ZNF106: variants seen among roughly 807,000 people sequenced by gnomAD.
The protein encoded by ZNF106 is zinc finger protein 106.
A neutral mutation model predicts 195.1 loss-of-function variants in ZNF106; 67 were observed. The observed-to-expected ratio is 0.34, with a 90% CI of 0.28 to 0.42. The LOEUF is 0.42. Ranked by LOEUF, ZNF106 falls within the 10% of genes least tolerant of loss-of-function variation. ZNF106 has a pLI of 1.00. For synonymous variants in ZNF106, 784 were observed against 818.6 expected (o/e 0.96, Z 0.72); for missense variants, 2,118 against 2,304.5 (o/e 0.92, Z 1.66).
chr15:42,486,270 T>G (rs1349602690), intron 1 of ZNF106, among the ~76,000 whole-genome samples: 1 of 151,846 alleles, frequency 6.6e-6, no homozygotes, highest in Non-Finnish European at 1.5e-5. Flanking sequence ...TCTTTTTTTT[T>G]TCTTCCAGAG....
chr15:42,449,701 C>G, intron 5 of ZNF106, 70 bp downstream of exon 5: 1 of 1,519,440 alleles, frequency 6.6e-7, no homozygotes, highest in Non-Finnish European at 8.8e-7. Flanking sequence ...GTAGAATTCT[C>G]TTGATCAGGG....
intron 14 of ZNF106, among the ~76,000 whole-genome samples, chr15:42,431,148 A>G (rs2055035131): frequency 6.6e-6 from 1 of 151,754 alleles, no homozygotes; most frequent in Admixed American, 6.6e-5. Context: ...TCATCTCCCT[A>G]TATTTGGGGA....
chr15:42,448,757 G>A (rs1182797242), intron 5 of ZNF106, 52 bp from the exon 6 acceptor site: 1 of 1,522,658 alleles, frequency 6.6e-7, no homozygotes. Flanking sequence ...GTTGTTGGGA[G>A]GGGCATTATT....
chr15:42,444,882 G>A lies in ZNF106; in HGVS notation c.3305C>T (p.Ala1102Val), dbSNP rs765123691. 5 of 1,614,162 alleles carry A rather than the reference G, an allele frequency of 3.1e-6. No homozygotes were observed. Among genetic ancestry groups the A allele is most frequent in the Non-Finnish European group, 4.2e-6 (5 of 1,180,026 alleles). The change falls in exon 8 of 22, where the codon GCA becomes GTA. Residue 1102 changes from alanine to valine, a missense_variant. Physicochemically the swap from Ala to Val is moderately conservative, Grantham distance 64. Coordinates refer to ENST00000564754, the MANE Select transcript of ZNF106 (RefSeq NM_001366845.3). ...TTCCACATAAGCTGTCTGAAGGGCT[G>A]CACGGGCTTGCAGAAGATTGTTATC... ...CMDNNLLQARAALQTAYVEVQ... is the reference protein window; with the variant it reads ...CMDNNLLQARVALQTAYVEVQ...
At chr15:42,436,588 T>C (rs1043110745) in intron 13 of ZNF106, among the ~76,000 whole-genome samples, 3 of 152,216 alleles carry the variant, frequency 2.0e-5, no homozygotes, top group African/African-American at 7.2e-5. Context: ...TTCTTAAGCT[T>C]TCATTGTTCA....
chr15:42,437,705 G>C (rs576917304), intron 12 of ZNF106, among the ~76,000 whole-genome samples: 150 of 152,096 alleles, frequency 9.9e-4, no homozygotes, highest in Non-Finnish European at 1.6e-3. Context: ...TCAGGAGTTG[G>C]AGACCAGCCT....
intron 1 of ZNF106, among the ~76,000 whole-genome samples, chr15:42,473,765 T>C (rs916100030): frequency 6.6e-6 from 1 of 152,230 alleles, no homozygotes; most frequent in African/African-American, 2.4e-5. Flanking sequence ...TGTGCTCTTT[T>C]GCAATGTGAT....
intron 4 of ZNF106, 135 bp downstream of exon 4, chr15:42,456,823 T>C: frequency 1.3e-6 from 1 of 790,150 alleles, no homozygotes; most frequent in Non-Finnish European, 2.0e-6. Flanking sequence ...GCCCTTTGAT[T>C]AGTAAGACAA....
At chr15:42,424,771 C>T (rs2054793426) in intron 16 of ZNF106, 63 bp downstream of exon 16, 10 of 1,524,646 alleles carry the variant, frequency 6.6e-6, no homozygotes, top group East Asian at 2.3e-5. Context: ...TGAGCCACCT[C>T]GCCTGGCCTC....
chr15:42,433,486 CTTTTCTTTTTTTTTT>C (rs1026647622), intron 14 of ZNF106, among the ~76,000 whole-genome samples: 4 of 84,216 alleles, frequency 4.7e-5, no homozygotes, highest in African/African-American at 1.6e-4. Flanking sequence ...TTTTTTTTTT[CTTTTCTTTTTTTTTT>C]GGACAGAGTC....
chr15:42,416,539 G>A lies in ZNF106; in HGVS notation c.*765C>T, dbSNP rs115105754. On this transcript the variant is annotated 3_prime_UTR_variant, in exon 22 of 22. Transcript: ENST00000564754. ...CAGGATCTGTAACAGGTAGTGCCCA[G>A]GTTCAACAGCAGATGTAAAGGTAGA... 6.6e-6 allele frequency: 1 copy of A among 152,228 alleles called. No individual in the cohort carries two copies. The highest frequency in any genetic ancestry group is 2.1e-4 in the South Asian group (1 of 4,830). 9.4% of individuals were successfully genotyped at this position (152,228 alleles called of 1,614,324 possible). A position where few individuals can be genotyped will look rare whatever the true frequency, so the allele number is the denominator to read the frequency against.
At chr15:42,462,735 T>A in intron 3 of ZNF106, among the ~76,000 whole-genome samples, 1 of 152,178 alleles carries the variant, frequency 6.6e-6, no homozygotes, top group Non-Finnish European at 1.5e-5. Context: ...CTTTTACTTT[T>A]TAAACAACTT....
intron 5 of ZNF106, among the ~76,000 whole-genome samples, chr15:42,449,523 T>C (rs2055903031): frequency 6.6e-6 from 1 of 152,234 alleles, no homozygotes; most frequent in South Asian, 2.1e-4. Flanking sequence ...ATGACTTTTT[T>C]CCTACGTCAC....
In ZNF106 at chr15:42,454,231, C is replaced by G. The variant is rs149649311; in HGVS notation, c.318-2277G>C. 8.7e-4 allele frequency among the ~76,000 whole-genome samples: 133 copies of G among 152,306 alleles called. 1 individual carries two copies. In the East Asian group the frequency reaches 0.017, roughly 20 times the overall value. ...AAAGTCTATTTAGAAGTTCAAACAT[C>G]CACTCATATTATATAAATTACAATC... On this transcript the variant is annotated intron_variant, in intron 4 of 21. Coordinates refer to ENST00000564754, the MANE Select transcript of ZNF106 (RefSeq NM_001366845.3).
At chr15:42,419,063 C>CAT (rs2054559981) in intron 20 of ZNF106, among the ~76,000 whole-genome samples, 1 of 105,786 alleles carries the variant, frequency 9.5e-6, no homozygotes, top group Non-Finnish European at 2.0e-5. Flanking sequence ...CTTTCTCTAC[C>CAT]AAAAAAAAAA....
rs950302513 is a variant in ZNF106 at position 42,417,251 on chromosome 15, C to A, written c.*53G>T. ...GGAAGAGAGTGGCCTGTGTGGGGGGCCAATGTGAAAATAGTTCAACTAATG... is the reference window on the plus strand; with the variant it reads ...GGAAGAGAGTGGCCTGTGTGGGGGGACAATGTGAAAATAGTTCAACTAATG... On this transcript the variant is annotated 3_prime_UTR_variant, in exon 22 of 22. Transcript: ENST00000564754. The A allele has an allele frequency of 2.5e-6, 4 of 1,595,208 alleles. No individual in the cohort carries two copies. The African/African-American group carries it at 4.0e-5, about 16-fold the overall frequency.
rs1365999165 is a variant in ZNF106, at chr15:42,451,108, T to G, written c.1164A>C (p.Lys388Asn). The G allele has an allele frequency of 1.2e-6, 2 of 1,614,228 alleles. No homozygotes were observed. The highest frequency in any genetic ancestry group is 2.7e-5 in the African/African-American group (2 of 75,058). Residue 388 changes from lysine to asparagine, a missense_variant, in exon 5 of 22, where the codon AAA becomes AAC. Physicochemically the swap from Lys to Asn is moderately conservative, Grantham distance 94. Coordinates refer to ENST00000564754, the MANE Select transcript of ZNF106 (RefSeq NM_001366845.3). Reference protein sequence around the residue: ...QKTLDLQSGLKDITGNKSEMI... With the variant: ...QKTLDLQSGLNDITGNKSEMI... ...TTTCTGACTTGTTACCAGTGATGTC[T>G]TTCAATCCCGACTGTAAATCCAGAG... is the stretch of plus-strand genomic sequence containing the variant.
intron 12 of ZNF106, among the ~76,000 whole-genome samples, chr15:42,437,733 C>T (rs1055887338): frequency 2.0e-5 from 3 of 151,574 alleles, no homozygotes; most frequent in African/African-American, 7.3e-5. Context: ...ATGGTGAAAC[C>T]CCATCTCTAC....
intron 2 of ZNF106, among the ~76,000 whole-genome samples, chr15:42,467,388 A>C (rs191643491): frequency 7.9e-4 from 121 of 152,356 alleles, no homozygotes; most frequent in South Asian, 1.7e-3. Flanking sequence ...GAGTATGATT[A>C]ACTTCATGCT....
Sources: allele counts gnomAD v4.1 joint callset (sites outside exome capture counted in the v4.1 genomes callset), GRCh38; gene constraint gnomAD v4.1.1; transcripts MANE v1.5; gene names NCBI Gene and HGNC (gene_info 2026-07-23, HGNC 2026-07-21).